PRKG1: variants seen among roughly 807,000 people sequenced by gnomAD.
The protein encoded by PRKG1 is protein kinase cGMP-dependent 1.
Under a neutral mutation model 88.1 loss-of-function variants are expected in PRKG1, and 35 were observed. The observed-to-expected ratio is 0.40, with a 90% CI of 0.30 to 0.53. The LOEUF (loss-of-function observed/expected upper bound fraction) is 0.53, where lower values mean the gene tolerates loss of function less well. Among genes scored for constraint, PRKG1 ranks in the 20% least tolerant of loss-of-function variants. PRKG1 has a pLI of 0.59. For synonymous variants in PRKG1, 303 were observed against 292.5 expected, an observed-to-expected ratio of 1.04 and a Z score of -0.37; for missense variants, 540 against 839.8, an observed-to-expected ratio of 0.64 and a Z score of 4.41.
intron 9 of PRKG1, among the ~76,000 whole-genome samples, chr10:52,166,880 TACACACACACACACAC>T (rs143459696): frequency 5.5e-4 from 67 of 121,952 alleles, no homozygotes; most frequent in Non-Finnish European, 9.7e-4. Context: ...TGTGTATGTA[TACACACACACACACAC>T]ACACACACAC....
chr10:51,652,803 G>A (rs539812230), intron 3 of PRKG1, among the ~76,000 whole-genome samples: 9 of 152,150 alleles, frequency 5.9e-5, no homozygotes, highest in South Asian at 2.1e-4. Flanking sequence ...TCACCATGCC[G>A]TGCAACAGAT....
intron 9 of PRKG1, among the ~76,000 whole-genome samples, chr10:52,166,813 ATATATGTATATATATGTATATATATG>A (rs1564498466): frequency 0.011 from 16 of 1,470 alleles, 1 homozygote; most frequent in East Asian, 0.25. Flanking sequence ...ATATATGTAT[ATATATGTATATATATGTATATATATG>A]TATATATATG....
rs1564540248 is a variant in PRKG1 at position 52,271,344 on chromosome 10, T to C, written c.1174-6T>C. On this transcript the variant is annotated splice_region_variant and splice_polypyrimidine_tract_variant and intron_variant, in intron 10 of 17. Transcript: ENST00000373980. ...TTTTTCTTACTCTCTTCTCTCTTTC[T>C]TTAAGGTCCAGTTGAAAAGTGAAGA... 6.2e-7 allele frequency: 1 copy of C among 1,611,280 alleles called. No individual in the cohort carries two copies. The highest frequency in any genetic ancestry group is 8.5e-7 in the Non-Finnish European group (1 of 1,178,142).
At chr10:51,686,992 CT>C (rs2132382753) in intron 3 of PRKG1, among the ~76,000 whole-genome samples, 1 of 152,294 alleles carries the variant, frequency 6.6e-6, no homozygotes, top group East Asian at 1.9e-4. Flanking sequence ...CCACCTCAGC[CT>C]CCCAAGTGCT....
At chr10:51,774,929 A>C (rs1012157418) in intron 3 of PRKG1, among the ~76,000 whole-genome samples, 1 of 152,148 alleles carries the variant, frequency 6.6e-6, no homozygotes, top group Non-Finnish European at 1.5e-5. Flanking sequence ...GATTTTAGGA[A>C]TATTGTTAGT....
chr10:52,095,885 G>A (rs988498529), intron 7 of PRKG1, among the ~76,000 whole-genome samples: 3 of 152,314 alleles, frequency 2.0e-5, no homozygotes, highest in Non-Finnish European at 2.9e-5. Context: ...CTAGTGATAC[G>A]TTAGTGATAT....
At chr10:51,374,326 G>A (rs1264803242) in intron 2 of PRKG1, among the ~76,000 whole-genome samples, 3 of 142,352 alleles carry the variant, frequency 2.1e-5, no homozygotes, top group Admixed American at 7.5e-5. Flanking sequence ...TCCCACCCAT[G>A]AGTGAGAACA....
chr10:51,584,726 G>T (rs1242442762), intron 3 of PRKG1, among the ~76,000 whole-genome samples: 1 of 152,010 alleles, frequency 6.6e-6, no homozygotes, highest in East Asian at 1.9e-4. Context: ...GGCAAAATAG[G>T]TTTATTTGTG....
intron 3 of PRKG1, among the ~76,000 whole-genome samples, chr10:51,757,823 T>C (rs1411688467): frequency 6.6e-6 from 1 of 152,254 alleles, no homozygotes; most frequent in Non-Finnish European, 1.5e-5. Context: ...TTTATATGGC[T>C]AATAGAAAAG....
At chr10:51,293,166 A>T (rs950251397) in intron 2 of PRKG1, among the ~76,000 whole-genome samples, 1 of 151,452 alleles carries the variant, frequency 6.6e-6, no homozygotes, top group African/African-American at 2.4e-5. Context: ...ACTAATTAAC[A>T]TATCCCTGTC....
At chr10:51,611,255 A>G (rs918713681) in intron 3 of PRKG1, among the ~76,000 whole-genome samples, 9 of 152,002 alleles carry the variant, frequency 5.9e-5, no homozygotes, top group Non-Finnish European at 1.2e-4. Flanking sequence ...AGTGTATAAC[A>G]ATTTGTCACT....
intron 5 of PRKG1, among the ~76,000 whole-genome samples, chr10:52,043,879 T>G (rs1845804823): frequency 7.0e-6 from 1 of 143,270 alleles, no homozygotes; most frequent in Non-Finnish European, 1.5e-5. Flanking sequence ...GAAAATCCAT[T>G]AAGTAAACAG....
chr10:52,033,760 T>A (rs1845529744), intron 5 of PRKG1, among the ~76,000 whole-genome samples: 1 of 152,110 alleles, frequency 6.6e-6, no homozygotes, highest in African/African-American at 2.4e-5. Context: ...GTAAATTTCA[T>A]GCACGTCCGT....
In PRKG1 at chr10:51,334,152, T is replaced by TTCTCTCTCTC. The variant is rs10568175; in HGVS notation, c.479-133540_479-133531dup. Among the ~76,000 whole-genome samples the TTCTCTCTCTC allele has an allele frequency of 2.8e-3, 384 of 137,180 alleles. 2 individuals carry two copies. The highest frequency in any genetic ancestry group is 7.9e-3 in the East Asian group (36 of 4,540). 90.0% of individuals were successfully genotyped at this position (137,180 alleles called of 152,430 possible). On this transcript the variant is annotated intron_variant, in intron 2 of 17. Coordinates refer to ENST00000373980, the MANE Select transcript of PRKG1 (RefSeq NM_006258.4). ...GCCCTTCCTTTCTTTCTCTCTCTCT[T>TTCTCTCTCTC]TCTCTCTCTCTCTCTCTCTCTCTCT...
At chr10:52,098,515 C>A (rs973082167) in intron 7 of PRKG1, among the ~76,000 whole-genome samples, 9 of 152,046 alleles carry the variant, frequency 5.9e-5, no homozygotes, top group Non-Finnish European at 1.3e-4. Context: ...GCAGGAAAGA[C>A]AGATGTGTAA....
chr10:51,137,444 C>T (rs955077163), intron 1 of PRKG1, among the ~76,000 whole-genome samples: 2 of 152,138 alleles, frequency 1.3e-5, no homozygotes, highest in African/African-American at 4.8e-5. Context: ...TTTTAAAAAT[C>T]TCCAATTGAC....
chr10:51,067,681 G>C (rs1310916413), intron 1 of PRKG1, among the ~76,000 whole-genome samples: 1 of 151,924 alleles, frequency 6.6e-6, no homozygotes, highest in Non-Finnish European at 1.5e-5. Context: ...TTAACTCTTT[G>C]AGTAAAAAAT....
At chr10:51,536,789 A>AT in intron 3 of PRKG1, among the ~76,000 whole-genome samples, 1 of 145,904 alleles carries the variant, frequency 6.9e-6, no homozygotes, top group Admixed American at 6.8e-5. Flanking sequence ...TCCTAACGCT[A>AT]TCCCTCACCC....
At chr10:52,188,720 A>C (rs1259818322) in intron 9 of PRKG1, among the ~76,000 whole-genome samples, 1 of 152,194 alleles carries the variant, frequency 6.6e-6, no homozygotes, top group Non-Finnish European at 1.5e-5. Context: ...TCATTAGCCA[A>C]TTGATTACCT....
Sources: gnomAD v4.1 joint callset for allele counts (sites outside exome capture counted in the v4.1 genomes callset) on GRCh38, gnomAD v4.1.1 for gene constraint, MANE v1.5 for transcripts, NCBI Gene and HGNC (gene_info 2026-07-23, HGNC 2026-07-21) for gene names.